Variants in DLC1 observed in about 807,000 individuals in gnomAD.
DLC1 encodes the protein DLC1 Rho GTPase activating protein.
A neutral mutation model predicts 140.3 loss-of-function variants in DLC1; 54 were observed. That is an observed-to-expected ratio of 0.38 (90% CI 0.31 to 0.48). The LOEUF (loss-of-function observed/expected upper bound fraction) is 0.48. Ranked by LOEUF, DLC1 falls within the 20% of genes least tolerant of loss-of-function variation. The pLI, the probability that DLC1 is intolerant of heterozygous loss-of-function variation, is 0.96. For missense variants in DLC1, 2,536 were observed against 1,907.0 expected (o/e 1.33, Z -6.14); for synonymous variants, 986 against 728.1 (o/e 1.35, Z -5.70).
intron 1 of DLC1, among the ~76,000 whole-genome samples, chr8:13,566,269 G>A (rs1006861671): frequency 6.6e-6 from 1 of 152,096 alleles, no homozygotes; most frequent in Non-Finnish European, 1.5e-5. Context: ...GAGTGAGGAC[G>A]GGCGTGGATA....
intron 2 of DLC1, among the ~76,000 whole-genome samples, chr8:13,426,704 G>A (rs1838598306): frequency 6.6e-6 from 1 of 152,086 alleles, no homozygotes; most frequent in Non-Finnish European, 1.5e-5. Context: ...TCGCAGATCT[G>A]TGTTCTTTCC....
At chr8:13,288,868 G>T (rs992475632) in intron 5 of DLC1, among the ~76,000 whole-genome samples, 1 of 152,210 alleles carries the variant, frequency 6.6e-6, no homozygotes, top group African/African-American at 2.4e-5. Flanking sequence ...GGGATCATAG[G>T]TTCCACTTAG....
At chr8:13,545,158 A>G (rs991991215) in intron 1 of DLC1, among the ~76,000 whole-genome samples, 2 of 152,100 alleles carry the variant, frequency 1.3e-5, no homozygotes, top group African/African-American at 4.8e-5. Flanking sequence ...TATGAACAAA[A>G]TATTTGAGTT....
rs372294757 is a variant in DLC1 at position 13,500,024 on chromosome 8, G to A, written c.48C>T (p.His16=). 5.6e-6 allele frequency: 9 copies of A among 1,613,952 alleles called. No individual in the cohort carries two copies. The African/African-American group carries it at 8.0e-5, about 14-fold the overall frequency. Reference sequence around the variant, plus strand: ...CAGAATTAAAAGGCTGTCCCATCCAGTGGGTCACATGTTCTTCCCAGCTTC... The same window carrying A: ...CAGAATTAAAAGGCTGTCCCATCCAATGGGTCACATGTTCTTCCCAGCTTC... ...RKRSWEEHVT[H]WMGQPFNSDD... is the part of the protein sequence containing the mutation. The change falls in exon 2 of 18, where the codon CAC becomes CAT. Residue 16 remains histidine (H), a synonymous_variant. Coordinates refer to ENST00000276297, the MANE Select transcript of DLC1 (RefSeq NM_182643.3).
At chr8:13,546,506 T>C (rs377177373) in intron 1 of DLC1, among the ~76,000 whole-genome samples, 18 of 152,168 alleles carry the variant, frequency 1.2e-4, no homozygotes, top group East Asian at 9.6e-4. Context: ...GATCATATTT[T>C]AGGTGCAACT....
intron 2 of DLC1, among the ~76,000 whole-genome samples, chr8:13,492,484 A>G (rs909283775): frequency 2.0e-4 from 8 of 39,526 alleles, no homozygotes; most frequent in African/African-American, 4.0e-4. Context: ...TTTTTTTTCT[A>G]TCACTTACTC....
intron 5 of DLC1, among the ~76,000 whole-genome samples, chr8:13,242,089 C>T (rs957651115): frequency 2.6e-5 from 4 of 152,150 alleles, no homozygotes; most frequent in Non-Finnish European, 4.4e-5. Flanking sequence ...CACTCATGCA[C>T]TCCAATATTA....
chr8:13,188,821 ATATATGTATATATATATATATATT>A (rs1826556596), intron 5 of DLC1, among the ~76,000 whole-genome samples: 2 of 41,428 alleles, frequency 4.8e-5, no homozygotes, highest in Non-Finnish European at 9.0e-5. Context: ...ATATATATAT[ATATATGTATATATATATATATATT>A]TTTTTTTTTT....
intron 2 of DLC1, among the ~76,000 whole-genome samples, chr8:13,417,562 A>T (rs1425893935): frequency 5.9e-5 from 9 of 151,614 alleles, no homozygotes. Flanking sequence ...ATGGCTGCAT[A>T]GTATTCCATG....
chr8:13,447,571 A>G (rs965747087), intron 2 of DLC1, among the ~76,000 whole-genome samples: 2 of 152,214 alleles, frequency 1.3e-5, no homozygotes, highest in African/African-American at 4.8e-5. Context: ...CTATTTTAGA[A>G]AAGAAAAAAA....
chr8:13,120,838 G>C (rs1257296711), intron 5 of DLC1, among the ~76,000 whole-genome samples: 1 of 152,032 alleles, frequency 6.6e-6, no homozygotes, highest in Non-Finnish European at 1.5e-5. Flanking sequence ...CACATTTCCT[G>C]GCATGACGGG....
intron 1 of DLC1, among the ~76,000 whole-genome samples, chr8:13,565,102 C>G (rs1189530856): frequency 6.6e-6 from 1 of 152,096 alleles, no homozygotes; most frequent in Non-Finnish European, 1.5e-5. Context: ...AATTTTCTTC[C>G]TTAGATAACA....
At chr8:13,177,014 C>A (rs1372567157) in intron 5 of DLC1, among the ~76,000 whole-genome samples, 1 of 152,100 alleles carries the variant, frequency 6.6e-6, no homozygotes, top group Non-Finnish European at 1.5e-5. Context: ...AGCCCTGCTG[C>A]CATCTTGAAT....
At chr8:13,091,087 C>A (rs546221870) in intron 14 of DLC1, among the ~76,000 whole-genome samples, 8 of 152,164 alleles carry the variant, frequency 5.3e-5, no homozygotes, top group African/African-American at 1.7e-4. Context: ...GAATTACAGG[C>A]GTGAGCCACT....
intron 5 of DLC1, among the ~76,000 whole-genome samples, chr8:13,240,514 C>T (rs1208133365): frequency 6.6e-6 from 1 of 152,220 alleles, no homozygotes; most frequent in South Asian, 2.1e-4. Flanking sequence ...CAGCCTCCAT[C>T]TCCCTGGCTC....
At chr8:13,423,351 G>A (rs1029685539) in intron 2 of DLC1, among the ~76,000 whole-genome samples, 2 of 152,108 alleles carry the variant, frequency 1.3e-5, no homozygotes, top group African/African-American at 2.4e-5. Flanking sequence ...GACATGTACT[G>A]GCATAGTATC....
At chr8:13,270,603 A>G (rs1396967424) in intron 5 of DLC1, among the ~76,000 whole-genome samples, 1 of 152,214 alleles carries the variant, frequency 6.6e-6, no homozygotes, top group Non-Finnish European at 1.5e-5. Context: ...GTGTGGAATC[A>G]GTTATTCTCC....
chr8:13,354,165 A>T (rs1200783532), intron 4 of DLC1, among the ~76,000 whole-genome samples: 1 of 151,874 alleles, frequency 6.6e-6, no homozygotes, highest in African/African-American at 2.4e-5. Context: ...TTCATTTCAC[A>T]TAGTTGCTAA....
At chr8:13,089,517 C>G (rs113251369) in intron 15 of DLC1, among the ~76,000 whole-genome samples, 1,700 of 151,830 alleles carry the variant, frequency 0.011, 26 homozygotes, top group South Asian at 0.036. Context: ...GCCAGCTACT[C>G]GGGAGGCTGA....
Sources: gnomAD v4.1 joint callset for allele counts (sites outside exome capture counted in the v4.1 genomes callset) on GRCh38, gnomAD v4.1.1 for gene constraint, MANE v1.5 for transcripts, NCBI Gene and HGNC (gene_info 2026-07-23, HGNC 2026-07-21) for gene names.